Variants in GBE1 observed in about 807,000 individuals in gnomAD.
GBE1 encodes 1,4-alpha-glucan branching enzyme 1.
In GBE1, 70 loss-of-function variants were observed where a neutral mutation model predicts 88.8. That is an observed-to-expected ratio of 0.79 (90% CI 0.65 to 0.96). GBE1 has a LOEUF of 0.96. Among genes scored for constraint, GBE1 ranks in the 40% least tolerant of loss-of-function variants. The pLI is 0.00. For missense variants in GBE1, 872 were observed against 871.0 expected (o/e 1.00, Z -0.01); for synonymous variants, 284 against 300.1 (o/e 0.95, Z 0.56).
At chr3:81,698,686 C>T (rs1004582145) in intron 2 of GBE1, among the ~76,000 whole-genome samples, 1 of 152,050 alleles carries the variant, frequency 6.6e-6, no homozygotes, top group Non-Finnish European at 1.5e-5. Context: ...GGGGAGGAAA[C>T]TGACACACAG....
rs1176728858 is a variant in GBE1 at position 81,637,890 on chromosome 3, A to G, written c.992+4891T>C. 2.6e-5 allele frequency among the ~76,000 whole-genome samples: 4 copies of G among 152,068 alleles called. No individual in the cohort carries two copies. The East Asian group carries it at 7.7e-4, about 29-fold the overall frequency. ...CTAAAATTTTGTTTAGAATACTTAC[A>G]TCTATGGTCATGAGGGCTTACCTCA... is the stretch of plus-strand genomic sequence containing the variant. On this transcript the variant is annotated intron_variant, in intron 7 of 15. Transcript: ENST00000429644.
intron 14 of GBE1, among the ~76,000 whole-genome samples, chr3:81,515,015 C>T (rs771141671): frequency 6.4e-4 from 97 of 150,936 alleles, no homozygotes; most frequent in Non-Finnish European, 9.0e-4. Flanking sequence ...GAAAAAAAAA[C>T]ATATATTTTG....
At chr3:81,607,864 A>G (rs555466298) in intron 7 of GBE1, among the ~76,000 whole-genome samples, 1 of 152,272 alleles carries the variant, frequency 6.6e-6, no homozygotes, top group East Asian at 1.9e-4. Flanking sequence ...TTTATGTTAG[A>G]ATTTTTATCA....
chr3:81,708,694 C>G (rs577811681), intron 1 of GBE1, among the ~76,000 whole-genome samples: 1 of 152,038 alleles, frequency 6.6e-6, no homozygotes, highest in Non-Finnish European at 1.5e-5. Context: ...GCAAAGACAT[C>G]TATGTATATA....
intron 2 of GBE1, 154 bp from the exon 3 acceptor site, chr3:81,671,107 G>A (rs957334362): frequency 9.6e-6 from 4 of 417,404 alleles, no homozygotes; most frequent in Non-Finnish European, 1.7e-5. Flanking sequence ...TAGTGGTTTA[G>A]AAAAGGCAGG....
intron 7 of GBE1, among the ~76,000 whole-genome samples, chr3:81,611,821 A>G (rs1704186166): frequency 6.6e-6 from 1 of 152,236 alleles, no homozygotes; most frequent in African/African-American, 2.4e-5. Flanking sequence ...AGTTAGTAGA[A>G]GAAATAAATA....
chr3:81,604,035 C>T (rs1402824126), intron 7 of GBE1, among the ~76,000 whole-genome samples: 1 of 152,016 alleles, frequency 6.6e-6, no homozygotes, highest in Non-Finnish European at 1.5e-5. Flanking sequence ...ATTGATAGCC[C>T]AGCTCAAGGT....
chr3:81,494,564 A>G (rs1353353403), intron 15 of GBE1, among the ~76,000 whole-genome samples: 1 of 152,252 alleles, frequency 6.6e-6, no homozygotes, highest in East Asian at 1.9e-4. Context: ...GCATGCTGAT[A>G]AACATATCTC....
chr3:81,732,267 C>A (rs1706198648), intron 1 of GBE1, among the ~76,000 whole-genome samples: 1 of 152,090 alleles, frequency 6.6e-6, no homozygotes, highest in African/African-American at 2.4e-5. Context: ...ATATGATATA[C>A]TAGACTATAA....
chr3:81,728,091 C>T (rs1340815395), intron 1 of GBE1, among the ~76,000 whole-genome samples: 1 of 152,080 alleles, frequency 6.6e-6, no homozygotes, highest in Non-Finnish European at 1.5e-5. Flanking sequence ...GCTGTTCAAT[C>T]ATTAACATTA....
Position 81,750,527 on chromosome 3 carries a change from A to ATATATATG in GBE1, c.143+10847_143+10848insCATATATA, listed in dbSNP as rs1559708255. Reference sequence around the variant, plus strand: ...ACCAATTTCATCTCAAAACATTCATATATATATATACGTATATATATATGT... The same window carrying ATATATATG: ...ACCAATTTCATCTCAAAACATTCATATATATATGTATATATATACGTATATATATATGT... On this transcript the variant is annotated intron_variant, in intron 1 of 15. Coordinates refer to ENST00000429644, the MANE Select transcript of GBE1 (RefSeq NM_000158.4). 4.6e-4 allele frequency among the ~76,000 whole-genome samples: 37 copies of ATATATATG among 81,006 alleles called. 4 individuals carry two copies. The highest frequency in any genetic ancestry group is 2.7e-3 in the African/African-American group (35 of 12,974). The allele number at this position is 81,006 out of a possible 152,430, so 53.1% of individuals were successfully genotyped here.
chr3:81,579,987 G>GC (rs1200397638), intron 11 of GBE1, among the ~76,000 whole-genome samples: 1 of 152,046 alleles, frequency 6.6e-6, no homozygotes, highest in Non-Finnish European at 1.5e-5. Flanking sequence ...GTAGGATTTG[G>GC]CCCATGGGCC....
intron 6 of GBE1, among the ~76,000 whole-genome samples, chr3:81,643,664 AC>A (rs1475142616): frequency 1.3e-5 from 2 of 152,014 alleles, no homozygotes; most frequent in Non-Finnish European, 2.9e-5. Context: ...TTAAATAGTC[AC>A]CTTTGCCTTC....
chr3:81,757,391 T>C (rs146133118), intron 1 of GBE1, among the ~76,000 whole-genome samples: 7 of 152,328 alleles, frequency 4.6e-5, no homozygotes, highest in African/African-American at 1.7e-4. Context: ...GATTTGTTTA[T>C]TTCAAAATCC....
chr3:81,526,655 A>G (rs1247419155), intron 14 of GBE1, among the ~76,000 whole-genome samples: 2 of 152,136 alleles, frequency 1.3e-5, no homozygotes, highest in Non-Finnish European at 2.9e-5. Context: ...TAGGAATCCA[A>G]CTTACAAGGG....
At chr3:81,602,199 C>A (rs918963277) in intron 7 of GBE1, among the ~76,000 whole-genome samples, 10 of 152,150 alleles carry the variant, frequency 6.6e-5, no homozygotes, top group African/African-American at 2.2e-4. Flanking sequence ...AATCATCTTA[C>A]ATTAGTTCCG....
chr3:81,668,095 T>A (rs1002213677), intron 3 of GBE1, among the ~76,000 whole-genome samples: 1 of 152,120 alleles, frequency 6.6e-6, no homozygotes, highest in Non-Finnish European at 1.5e-5. Flanking sequence ...CTGGAAGCCA[T>A]CATTCTCAGC....
At chr3:81,736,204 G>C (rs2594549) in intron 1 of GBE1, among the ~76,000 whole-genome samples, 96,027 of 152,030 alleles carry the variant, frequency 0.63, 31,841 homozygotes, top group East Asian at 0.94. Context: ...TGGAATCTCA[G>C]AAGGGTTGGA....
chr3:81,758,680 G>T (rs1198823129), intron 1 of GBE1, among the ~76,000 whole-genome samples: 1 of 152,202 alleles, frequency 6.6e-6, no homozygotes, highest in East Asian at 1.9e-4. Context: ...AAATCAAGTG[G>T]AAAATGCTAT....
Sources: gnomAD v4.1 joint callset for allele counts (sites outside exome capture counted in the v4.1 genomes callset) on GRCh38, gnomAD v4.1.1 for gene constraint, MANE v1.5 for transcripts, NCBI Gene and HGNC (gene_info 2026-07-23, HGNC 2026-07-21) for gene names.